Variants in NETO1 observed in about 807,000 individuals in gnomAD.
NETO1 encodes the protein neuropilin and tolloid like 1.
Under a neutral mutation model 61.3 loss-of-function variants are expected in NETO1, and 26 were observed. The ratio of observed to expected loss-of-function variants is 0.42; its 90% CI spans 0.31 to 0.59. The LOEUF is 0.59. Ranked by LOEUF, NETO1 falls within the 20% of genes least tolerant of loss-of-function variation. The pLI is 0.12. For missense variants in NETO1, 531 were observed against 662.8 expected, an observed-to-expected ratio of 0.80 and a Z score of 2.18; for synonymous variants, 225 against 225.8, an observed-to-expected ratio of 1.00 and a Z score of 0.03.
intron 4 of NETO1, among the ~76,000 whole-genome samples, chr18:72,850,398 A>G (rs2074213587): frequency 6.6e-6 from 1 of 152,230 alleles, no homozygotes; most frequent in African/African-American, 2.4e-5. Context: ...ATAAAATATA[A>G]TAGGAAAAAT....
intron 4 of NETO1, among the ~76,000 whole-genome samples, chr18:72,851,645 G>C (rs2074253102): frequency 6.6e-6 from 1 of 152,142 alleles, no homozygotes; most frequent in East Asian, 1.9e-4. Context: ...AATTGAGGTA[G>C]AAGGAGAGAC....
intron 4 of NETO1, among the ~76,000 whole-genome samples, chr18:72,797,045 T>C (rs777430010): frequency 5.3e-5 from 8 of 152,210 alleles, no homozygotes; most frequent in Non-Finnish European, 1.0e-4. Flanking sequence ...TTCTTCCTTA[T>C]TTTTCCATCA....
chr18:72,784,231 CA>C (rs1365003721), intron 6 of NETO1, among the ~76,000 whole-genome samples: 1 of 152,058 alleles, frequency 6.6e-6, no homozygotes, highest in Non-Finnish European at 1.5e-5. Flanking sequence ...CTTTGATTAG[CA>C]AATGTATTTT....
At chr18:72,757,661 A>G (rs1173650719) in intron 7 of NETO1, among the ~76,000 whole-genome samples, 1 of 152,154 alleles carries the variant, frequency 6.6e-6, no homozygotes, top group African/African-American at 2.4e-5. Context: ...TTATTTTGCT[A>G]ATGATTTGTT....
chr18:72,865,199 T>A lies in NETO1; in HGVS notation c.71A>T (p.Lys24Met). The change falls in exon 2 of 11, where the codon AAG becomes ATG. Residue 24 changes from lysine (K) to methionine (M), a missense_variant. By Grantham distance (95) the Lys-to-Met change is moderately conservative. Transcript: ENST00000327305. ...LIILHLSGAT[K>M]KGTEKQTTSE... ...CTAAGTAAACACACCTGTTCCTTTC[T>A]TGGTTGCCCCAGACAAATGGAGGAT... The A allele has an allele frequency of 6.2e-7, 1 of 1,613,110 alleles. No homozygotes were observed. Among genetic ancestry groups the A allele is most frequent in the Non-Finnish European group, 8.5e-7 (1 of 1,179,582 alleles).
rs533358898 is a variant in NETO1 at position 72,793,746 on chromosome 18, G to A, written c.639+371C>T. ...TGTAGGCCCCAGAAAAACGTCTACA[G>A]ATAGAATTTTAGTTTACAAAATAAA... is the stretch of plus-strand genomic sequence containing the variant. On this transcript the variant is annotated intron_variant, in intron 6 of 10. Transcript: ENST00000327305. 2.1e-4 allele frequency among the ~76,000 whole-genome samples: 32 copies of A among 152,250 alleles called. No homozygotes were observed. The South Asian group carries it at 6.0e-3, about 29-fold the overall frequency.
At chr18:72,815,481 G>A (rs2073003614) in intron 4 of NETO1, among the ~76,000 whole-genome samples, 1 of 151,916 alleles carries the variant, frequency 6.6e-6, no homozygotes, top group South Asian at 2.1e-4. Context: ...CACAACATAA[G>A]ACAGGCAAAA....
At chr18:72,753,275 A>C (rs1180443491) in intron 8 of NETO1, among the ~76,000 whole-genome samples, 1 of 151,702 alleles carries the variant, frequency 6.6e-6, no homozygotes. Context: ...GAAAAAAAAA[A>C]CTCATCATAG....
In NETO1 at chr18:72,794,159, A is replaced by C. The variant is rs1200326599; in HGVS notation, c.597T>G (p.Ala199=). 27 of 1,614,072 alleles carry C rather than the reference A, an allele frequency of 1.7e-5. No individual in the cohort carries two copies. Among genetic ancestry groups the C allele is most frequent in the Non-Finnish European group, 2.2e-5 (26 of 1,180,048 alleles). The stretch of plus-strand genomic sequence containing the variant: ...CTCGGATGTACCACTTGCAATCAAC[A>C]GCCTCGCTAGCAGTAGCTTTGCCTT... ...MKEGKATASE[A]VDCKWYIRAP... Residue 199 remains alanine, a synonymous_variant, in exon 6 of 11, where the codon GCT becomes GCG. Transcript: ENST00000327305.
At chr18:72,823,419 G>T (rs2073271100) in intron 4 of NETO1, among the ~76,000 whole-genome samples, 1 of 152,110 alleles carries the variant, frequency 6.6e-6, no homozygotes, top group South Asian at 2.1e-4. Context: ...AAAGGCCTCT[G>T]AGATCACGTG....
At chr18:72,834,948 T>C in intron 4 of NETO1, 2 of 756,368 alleles carry the variant, frequency 2.6e-6, no homozygotes, top group Non-Finnish European at 3.2e-6. Flanking sequence ...AATAATATAT[T>C]ACATAAAACA....
At chr18:72,808,419 TTGTG>T (rs368047239) in intron 4 of NETO1, among the ~76,000 whole-genome samples, 3,239 of 141,924 alleles carry the variant, frequency 0.023, 94 homozygotes, top group East Asian at 0.065. Flanking sequence ...CACTGCAGAT[TTGTG>T]TGTGTGTGTG....
At chr18:72,835,175 C>G in intron 4 of NETO1, 2 of 1,308,466 alleles carry the variant, frequency 1.5e-6, no homozygotes, top group Non-Finnish European at 2.0e-6. Context: ...GGGCACAAAT[C>G]GTGGTGCACC....
intron 4 of NETO1, among the ~76,000 whole-genome samples, chr18:72,839,146 G>T (rs943305875): frequency 6.6e-6 from 1 of 152,110 alleles, no homozygotes; most frequent in African/African-American, 2.4e-5. Context: ...TTTATCCCAA[G>T]GCTGTTGTTA....
intron 7 of NETO1, among the ~76,000 whole-genome samples, chr18:72,774,729 T>G (rs1008590448): frequency 5.9e-5 from 9 of 152,224 alleles, no homozygotes; most frequent in African/African-American, 1.2e-4. Context: ...CAAAATACAT[T>G]TAAATGTTAA....
At chr18:72,844,934 GA>G (rs34392898) in intron 4 of NETO1, among the ~76,000 whole-genome samples, 35,698 of 152,148 alleles carry the variant, frequency 0.23, 4,881 homozygotes, top group Non-Finnish European at 0.3. Context: ...AAGCAGCACT[GA>G]AGCGCAGGTC....
At chr18:72,795,753 T>C (rs1371867680) in intron 4 of NETO1, among the ~76,000 whole-genome samples, 8 of 152,190 alleles carry the variant, frequency 5.3e-5, no homozygotes, top group Admixed American at 3.9e-4. Flanking sequence ...TCTTGCATAG[T>C]GAGAACACTT....
chr18:72,822,170 G>T (rs1050243282), intron 4 of NETO1, among the ~76,000 whole-genome samples: 2 of 152,186 alleles, frequency 1.3e-5, no homozygotes, highest in Non-Finnish European at 2.9e-5. Context: ...AGTGGAATTT[G>T]TGTGTGACCC....
intron 9 of NETO1, among the ~76,000 whole-genome samples, chr18:72,749,376 G>GT (rs1337937450): frequency 6.6e-6 from 1 of 152,032 alleles, no homozygotes; most frequent in Admixed American, 6.6e-5. Context: ...AAATTTAAAT[G>GT]TTTTTTCTCA....
Sources: gnomAD v4.1 joint callset for allele counts (sites outside exome capture counted in the v4.1 genomes callset) on GRCh38, gnomAD v4.1.1 for gene constraint, MANE v1.5 for transcripts, NCBI Gene and HGNC (gene_info 2026-07-23, HGNC 2026-07-21) for gene names.